ALDH3B2: variants seen among roughly 807,000 people sequenced by gnomAD.
ALDH3B2 encodes aldehyde dehydrogenase family 3 member B2.
In ALDH3B2, 45 loss-of-function variants were observed where a neutral mutation model predicts 36.7. The observed-to-expected ratio is 1.23, with a 90% confidence interval of 0.97 to 1.57. ALDH3B2 has a LOEUF of 1.57. Among genes scored for constraint, ALDH3B2 ranks in the 40% most tolerant of loss-of-function variants. The probability of loss-of-function intolerance (pLI) is 0.00; values close to 1 mark genes in which losing one functional copy is unlikely to be tolerated. For missense variants in ALDH3B2, 464 were observed against 513.3 expected (o/e 0.90, Z 0.93); for synonymous variants, 217 against 226.5 (o/e 0.96, Z 0.38).
intron 1 of ALDH3B2, among the ~76,000 whole-genome samples, chr11:67,672,502 C>A (rs1380919708): frequency 6.6e-6 from 1 of 151,998 alleles, no homozygotes; most frequent in Non-Finnish European, 1.5e-5. Context: ...GTGTGTAAAC[C>A]AAGCTGTGTC....
intron 1 of ALDH3B2, among the ~76,000 whole-genome samples, chr11:67,672,091 A>ATGTG: frequency 2.3e-5 from 2 of 87,654 alleles, no homozygotes; most frequent in Non-Finnish European, 2.1e-5. Context: ...ATATATATGT[A>ATGTG]TGTATGTATT....
At chr11:67,664,499 G>C in exon 8 of ALDH3B2, 1 of 1,614,092 alleles carries the variant, frequency 6.2e-7, no homozygotes, top group Non-Finnish European at 8.5e-7. Flanking sequence ...GGGCAGGATG[G>C]GCCCGAAGAT....
chr11:67,672,570 T>A (rs10791909), intron 1 of ALDH3B2, among the ~76,000 whole-genome samples: 109,628 of 151,610 alleles, frequency 0.72, 41,721 homozygotes, highest in South Asian at 0.9. Context: ...CAGGTGCACG[T>A]CCTCAACCTT....
chr11:67,666,325 G>C lies in ALDH3B2; in HGVS notation c.228C>G (p.Tyr76Ter). The C allele has an allele frequency of 1.9e-6, 3 of 1,607,582 alleles. No individual in the cohort carries two copies. The highest frequency in any genetic ancestry group is 2.5e-6 in the Non-Finnish European group (3 of 1,176,996). ...GCAGGGCCACCCTCACCTGGTCCAG[G>C]TACTGGGGCAGCACCTCAGCCAGGA... is the stretch of plus-strand genomic sequence containing the variant. Residue 76 changes from tyrosine (Y) to a stop codon, truncating the protein, a stop_gained, in exon 5 of 10, where the codon TAC becomes TAG. Transcript: ENST00000349015. LOFTEE classifies it high-confidence loss of function.
At chr11:67,665,773 G>C in intron 6 of ALDH3B2, 102 bp from the exon 7 acceptor site, 1 of 1,480,128 alleles carries the variant, frequency 6.8e-7, no homozygotes, top group Non-Finnish European at 9.0e-7. Context: ...TGGAGTCGGC[G>C]GGCTTCCTAG....
intron 3 of ALDH3B2, 52 bp from the exon 4 acceptor site, chr11:67,666,746 A>C (rs1489835819): frequency 6.2e-6 from 10 of 1,610,708 alleles, no homozygotes; most frequent in Non-Finnish European, 8.5e-6. Context: ...CCCAAAGCCC[A>C]CCCACTGCAC....
At chr11:67,666,081 T>C (rs1855898321) in intron 6 of ALDH3B2, 41 bp downstream of exon 6, 1 of 1,593,456 alleles carries the variant, frequency 6.3e-7, no homozygotes, top group Non-Finnish European at 8.6e-7. Flanking sequence ...CTCCTGATGA[T>C]CCCCTCCACC....
intron 1 of ALDH3B2, among the ~76,000 whole-genome samples, chr11:67,668,160 C>T (rs956726895): frequency 2.6e-5 from 4 of 152,202 alleles, no homozygotes; most frequent in African/African-American, 9.7e-5. Flanking sequence ...GATGGGGAAA[C>T]TGAAGCCATA....
At position 67,667,766 on chromosome 11, in the gene ALDH3B2, T is replaced by TAC. The variant is rs200466014; in HGVS notation, c.-244-133_-244-132dup. On this transcript the variant is annotated intron_variant, in intron 1 of 9. Transcript: ENST00000349015. ...GGGGGCTCACAGACACCCCACCTCA[T>TAC]ACACACACAGACCCACTCGAATGAC... is the stretch of plus-strand genomic sequence containing the variant. 5.4e-3 allele frequency: 1,125 copies of TAC among 207,064 alleles called. 20 individuals carry two copies. Among genetic ancestry groups the TAC allele is most frequent in the African/African-American group, 0.025 (1,081 of 43,082 alleles). 12.8% of individuals were successfully genotyped at this position (207,064 alleles called of 1,614,324 possible).
chr11:67,666,397 A>C (rs1406710621), exon 5 of ALDH3B2: 2 of 1,607,492 alleles, frequency 1.2e-6, no homozygotes, highest in East Asian at 4.5e-5. Context: ...GCACCACGCA[A>C]CTCCCTGCAG....
At chr11:67,666,087 C>T in intron 6 of ALDH3B2, 35 bp downstream of exon 6, 1 of 1,605,254 alleles carries the variant, frequency 6.2e-7, no homozygotes, top group Non-Finnish European at 8.5e-7. Flanking sequence ...ATGATCCCCT[C>T]CACCTACTCT....
At chr11:67,664,697 G>T in intron 7 of ALDH3B2, 135 bp from the exon 8 acceptor site, 1 of 1,313,588 alleles carries the variant, frequency 7.6e-7, no homozygotes, top group Non-Finnish European at 1.0e-6. Context: ...AGCGCTTCAG[G>T]CTTTGGAGTG....
chr11:67,672,042 C>CATATATATAT (rs57997475), intron 1 of ALDH3B2, among the ~76,000 whole-genome samples: 20 of 49,482 alleles, frequency 4.0e-4, no homozygotes, highest in African/African-American at 1.4e-3. Context: ...CGATGTACTT[C>CATATATATAT]ATATATATAT....
chr11:67,668,858 G>A (rs1187081782), intron 1 of ALDH3B2, among the ~76,000 whole-genome samples: 1 of 149,106 alleles, frequency 6.7e-6, no homozygotes, highest in African/African-American at 2.5e-5. Flanking sequence ...TGTATGTATG[G>A]GTGCTGTGTG....
intron 8 of ALDH3B2, 83 bp from the exon 9 acceptor site, chr11:67,663,844 G>A (rs2134126529): frequency 2.5e-6 from 3 of 1,217,576 alleles, no homozygotes; most frequent in East Asian, 2.6e-5. Context: ...GCGGAGGTGA[G>A]CCTCATCCTC....
At chr11:67,679,329 T>C (rs1039074533), upstream of ALDH3B2, among the ~76,000 whole-genome samples, 1 of 151,816 alleles carries the variant, frequency 6.6e-6, no homozygotes, top group Non-Finnish European at 1.5e-5. Context: ...AAATTAGCCA[T>C]GCATTGTGGC....
intron 1 of ALDH3B2, among the ~76,000 whole-genome samples, chr11:67,670,646 TGAG>T (rs1386016511): frequency 6.6e-6 from 1 of 152,138 alleles, no homozygotes; most frequent in East Asian, 1.9e-4. Context: ...AATGACAAGA[TGAG>T]GAGAGCAGCC....
At chr11:67,666,875 T>C (rs776292851) in intron 3 of ALDH3B2, 31 bp downstream of exon 3, 1 of 1,614,126 alleles carries the variant, frequency 6.2e-7, no homozygotes, top group Non-Finnish European at 8.5e-7. Context: ...TGCCCTGCCC[T>C]GCCCTCCTGC....
At chr11:67,669,414 G>C (rs1314149219) in intron 1 of ALDH3B2, among the ~76,000 whole-genome samples, 1 of 142,332 alleles carries the variant, frequency 7.0e-6, no homozygotes, top group Non-Finnish European at 1.5e-5. Context: ...TATGGGTGCT[G>C]TATGTGTGTG....
Sources: gnomAD v4.1 joint callset for allele counts (sites outside exome capture counted in the v4.1 genomes callset) on GRCh38, gnomAD v4.1.1 for gene constraint, MANE v1.5 for transcripts, NCBI Gene and HGNC (gene_info 2026-07-23, HGNC 2026-07-21) for gene names.